DPP10: variants seen among roughly 807,000 people sequenced by gnomAD.
DPP10 encodes the protein dipeptidyl peptidase like 10, also known as inactive dipeptidyl peptidase 10.
A neutral mutation model predicts 120.9 loss-of-function variants in DPP10; 33 were observed. The ratio of observed to expected loss-of-function variants is 0.27; its 90% CI spans 0.21 to 0.37. The LOEUF (loss-of-function observed/expected upper bound fraction) is 0.37. Among genes scored for constraint, DPP10 ranks in the 10% least tolerant of loss-of-function variants. DPP10 has a pLI of 1.00. For missense variants in DPP10, 816 were observed against 942.8 expected (o/e 0.87, Z 1.76); for synonymous variants, 337 against 326.1 (o/e 1.03, Z -0.36).
intron 2 of DPP10, among the ~76,000 whole-genome samples, chr2:115,317,761 T>C (rs1218675427): frequency 6.6e-6 from 1 of 152,150 alleles, no homozygotes; most frequent in Non-Finnish European, 1.5e-5. Flanking sequence ...TGGCCATTTA[T>C]ATATCTTCTT....
chr2:115,218,325 C>A (rs1040709363), intron 1 of DPP10, among the ~76,000 whole-genome samples: 1 of 152,080 alleles, frequency 6.6e-6, no homozygotes, highest in Non-Finnish European at 1.5e-5. Context: ...GAAGGGTGAT[C>A]TCTTGTTACA....
chr2:115,241,617 T>C (rs2058285304), intron 1 of DPP10, among the ~76,000 whole-genome samples: 1 of 152,206 alleles, frequency 6.6e-6, no homozygotes, highest in African/African-American at 2.4e-5. Context: ...CTATAAACCA[T>C]GGCATCATCA....
chr2:115,089,642 C>T (rs1212739508), intron 1 of DPP10, among the ~76,000 whole-genome samples: 1 of 152,208 alleles, frequency 6.6e-6, no homozygotes, highest in Non-Finnish European at 1.5e-5. Context: ...ATCTGTGCCT[C>T]ATTGTTTCCT....
chr2:114,866,301 G>T (rs1690229311), intron 1 of DPP10, among the ~76,000 whole-genome samples: 1 of 151,898 alleles, frequency 6.6e-6, no homozygotes, highest in African/African-American at 2.4e-5. Flanking sequence ...TATTTATTGA[G>T]ATCTTGAGCT....
intron 1 of DPP10, among the ~76,000 whole-genome samples, chr2:115,037,452 A>G (rs1425822254): frequency 2.0e-5 from 3 of 152,220 alleles, no homozygotes; most frequent in Non-Finnish European, 4.4e-5. Context: ...AAACAAACAT[A>G]CATTTTGCAG....
At chr2:115,069,301 G>C (rs1042485844) in intron 1 of DPP10, among the ~76,000 whole-genome samples, 1 of 151,994 alleles carries the variant, frequency 6.6e-6, no homozygotes. Context: ...ATGATACTGT[G>C]AATGGGATTG....
At chr2:115,575,807 A>G (rs2081619157) in intron 5 of DPP10, among the ~76,000 whole-genome samples, 1 of 152,200 alleles carries the variant, frequency 6.6e-6, no homozygotes. Context: ...CCTTAAAGGC[A>G]TAAGAGGAAG....
chr2:114,741,053 A>T (rs1678010589), intron 1 of DPP10, among the ~76,000 whole-genome samples: 1 of 152,224 alleles, frequency 6.6e-6, no homozygotes, highest in Admixed American at 6.5e-5. Flanking sequence ...ATGTTATTAA[A>T]ATAATTTTAC....
At chr2:115,512,384 C>T (rs1000220753) in intron 4 of DPP10, among the ~76,000 whole-genome samples, 7 of 152,070 alleles carry the variant, frequency 4.6e-5, no homozygotes, top group African/African-American at 1.7e-4. Flanking sequence ...AGACATGAGC[C>T]ACCGCACATG....
chr2:115,806,667 A>G (rs916244688), intron 19 of DPP10, among the ~76,000 whole-genome samples: 2 of 152,208 alleles, frequency 1.3e-5, no homozygotes, highest in African/African-American at 4.8e-5. Flanking sequence ...ACACATATGT[A>G]TCCTTCGATA....
At chr2:115,520,977 A>G (rs2077769192) in intron 4 of DPP10, among the ~76,000 whole-genome samples, 1 of 152,214 alleles carries the variant, frequency 6.6e-6, no homozygotes, top group African/African-American at 2.4e-5. Context: ...AACAGTGATC[A>G]ATGGTTAGAT....
intron 1 of DPP10, among the ~76,000 whole-genome samples, chr2:115,009,632 C>G (rs1397866315): frequency 6.6e-6 from 1 of 150,714 alleles, no homozygotes; most frequent in Non-Finnish European, 1.5e-5. Flanking sequence ...ATGGATATCC[C>G]TTGGGCTAGG....
At position 115,844,944 on chromosome 2, in the gene DPP10, T is replaced by C. The variant is rs1322330311; in HGVS notation, c.*2599T>C. 1 of 152,144 alleles carries C rather than the reference T, an allele frequency of 6.6e-6. No individual in the cohort carries two copies. The highest frequency in any genetic ancestry group is 1.5e-5 in the Non-Finnish European group (1 of 68,014). The allele number at this position is 152,144 out of a possible 1,614,324, so 9.4% of individuals were successfully genotyped here. On this transcript the variant is annotated 3_prime_UTR_variant, in exon 26 of 26. Coordinates refer to ENST00000410059, the MANE Select transcript of DPP10 (RefSeq NM_020868.6). ...ATCTCTTTGAGTTTCCTGACAGAACTAAAGGAAGGAATCACTCTTCAAAAG... is the reference window on the plus strand; with the variant it reads ...ATCTCTTTGAGTTTCCTGACAGAACCAAAGGAAGGAATCACTCTTCAAAAG...
intron 3 of DPP10, among the ~76,000 whole-genome samples, chr2:115,422,488 T>C (rs1032060046): frequency 6.6e-6 from 1 of 152,144 alleles, no homozygotes. Context: ...AATTATTTAC[T>C]CAAGATAAGC....
At chr2:115,674,036 ACT>A (rs1468420498) in intron 5 of DPP10, among the ~76,000 whole-genome samples, 1 of 152,048 alleles carries the variant, frequency 6.6e-6, no homozygotes, top group Non-Finnish European at 1.5e-5. Flanking sequence ...ACAAGGAGAA[ACT>A]CTGTCTCTAC....
At chr2:114,941,742 T>C (rs767075485) in intron 1 of DPP10, among the ~76,000 whole-genome samples, 11 of 152,144 alleles carry the variant, frequency 7.2e-5, no homozygotes, top group Non-Finnish European at 1.5e-4. Flanking sequence ...TACCAGGTAA[T>C]AGACTCAGTG....
chr2:115,258,867 C>T (rs2105733778), intron 1 of DPP10, among the ~76,000 whole-genome samples: 1 of 152,156 alleles, frequency 6.6e-6, no homozygotes, highest in South Asian at 2.1e-4. Flanking sequence ...CCAGCCTGGG[C>T]AACAGAGTGA....
At chr2:115,529,082 A>G (rs2078303764) in intron 5 of DPP10, among the ~76,000 whole-genome samples, 2 of 152,146 alleles carry the variant, frequency 1.3e-5, no homozygotes, top group South Asian at 2.1e-4. Flanking sequence ...TTATAATGGC[A>G]TGTAAAAATA....
intron 4 of DPP10, among the ~76,000 whole-genome samples, chr2:115,515,172 G>T (rs1440921988): frequency 6.6e-6 from 1 of 151,648 alleles, no homozygotes; most frequent in African/African-American, 2.4e-5. Flanking sequence ...TTACATTACT[G>T]CTCCAAAACA....
Sources: gnomAD v4.1 joint callset for allele counts (sites outside exome capture counted in the v4.1 genomes callset) on GRCh38, gnomAD v4.1.1 for gene constraint, MANE v1.5 for transcripts, NCBI Gene and HGNC (gene_info 2026-07-23, HGNC 2026-07-21) for gene names.